AQP11: variants seen among roughly 807,000 people sequenced by gnomAD.
AQP11 encodes aquaporin-11.
AQP11 carries 20 observed loss-of-function variants against 21.1 expected under a neutral mutation model. The observed-to-expected ratio is 0.95, with a 90% CI of 0.67 to 1.38. The LOEUF is 1.38. Ranked by LOEUF, AQP11 falls within the 40% of genes most tolerant of loss-of-function variation. AQP11 has a pLI of 0.00. For missense variants in AQP11, 339 were observed against 340.4 expected (o/e 1.00, Z 0.03); for synonymous variants, 167 against 150.1 (o/e 1.11, Z -0.82).
At chr11:77,591,794 A>T (rs530302169) in intron 1 of AQP11, among the ~76,000 whole-genome samples, 22 of 152,284 alleles carry the variant, frequency 1.4e-4, no homozygotes, top group African/African-American at 5.3e-4. Flanking sequence ...GAATTGCTGG[A>T]ACCCGGGAGG....
intron 1 of AQP11, among the ~76,000 whole-genome samples, chr11:77,593,996 A>G (rs1322153578): frequency 1.3e-5 from 2 of 152,228 alleles, no homozygotes; most frequent in Non-Finnish European, 2.9e-5. Flanking sequence ...CATATACAAA[A>G]TATCTAGATT....
At position 77,590,131 on chromosome 11, in the gene AQP11, T is replaced by C. The variant is rs1958736228; in HGVS notation, c.139T>C (p.Phe47Leu). The change falls in exon 1 of 3, where the codon TTC becomes CTC. Residue 47 changes from phenylalanine (F) to leucine (L), a missense_variant. Physicochemically the swap from Phe to Leu is conservative, Grantham distance 22. Coordinates refer to ENST00000313578, the MANE Select transcript of AQP11 (RefSeq NM_173039.3). Reference sequence around the variant, plus strand: ...GCTGCACAGGCCGGTGGCCCACGCCTTCGTCCTGGAGTTTCTAGCCACCTT... The same window carrying C: ...GCTGCACAGGCCGGTGGCCCACGCCCTCGTCCTGGAGTTTCTAGCCACCTT... ...QQLHRPVAHA[F>L]VLEFLATFQL... The C allele has an allele frequency of 6.2e-7, 1 of 1,608,328 alleles. No individual in the cohort carries two copies. The highest frequency in any genetic ancestry group is 8.5e-7 in the Non-Finnish European group (1 of 1,179,832).
At chr11:77,602,676 C>A (rs953886608) in intron 1 of AQP11, among the ~76,000 whole-genome samples, 1 of 152,166 alleles carries the variant, frequency 6.6e-6, no homozygotes, top group Non-Finnish European at 1.5e-5. Flanking sequence ...GTAGTGAAAT[C>A]TTATGAAAGG....
chr11:77,591,717 A>G (rs924402046), intron 1 of AQP11, among the ~76,000 whole-genome samples: 1 of 152,058 alleles, frequency 6.6e-6, no homozygotes, highest in African/African-American at 2.4e-5. Context: ...TAAAAATACA[A>G]AAAAAATTTA....
rs144449509 is a variant in AQP11, at chr11:77,590,258, A to G, written c.266A>G (p.His89Arg). The G allele has an allele frequency of 6.2e-7, 1 of 1,601,894 alleles. No individual in the cohort carries two copies. Among genetic ancestry groups the G allele is most frequent in the African/African-American group, 1.3e-5 (1 of 74,822 alleles). The change falls in exon 1 of 3, where the codon CAT becomes CGT. Residue 89 changes from histidine to arginine, a missense_variant. Coordinates refer to ENST00000313578, the MANE Select transcript of AQP11 (RefSeq NM_173039.3). ...LTLVYFFSLV[H>R]GLTLVGTSSN... ...CTCGTCTACTTCTTCTCGCTTGTGC[A>G]TGGCCTGACTCTGGTGGGCACGTCC...
chr11:77,591,251 A>C (rs947190189), intron 1 of AQP11: 36 of 971,702 alleles, frequency 3.7e-5, no homozygotes, highest in Non-Finnish European at 3.7e-5. Context: ...ATGCTTTTTA[A>C]AATATAACTC....
intron 1 of AQP11, among the ~76,000 whole-genome samples, chr11:77,595,424 T>C (rs1261327679): frequency 2.0e-5 from 3 of 152,238 alleles, no homozygotes; most frequent in Non-Finnish European, 4.4e-5. Flanking sequence ...ATTTCTTTCA[T>C]AGAATTTTAA....
At chr11:77,600,868 C>T (rs1288653516) in intron 1 of AQP11, among the ~76,000 whole-genome samples, 5 of 152,020 alleles carry the variant, frequency 3.3e-5, no homozygotes, top group African/African-American at 4.8e-5. Flanking sequence ...AAAAATTAGC[C>T]GGGCGTGGTG....
chr11:77,593,621 A>G (rs1325646746), intron 1 of AQP11, among the ~76,000 whole-genome samples: 1 of 152,078 alleles, frequency 6.6e-6, no homozygotes, highest in East Asian at 1.9e-4. Flanking sequence ...TGGGAGACAG[A>G]GCGAGAGAGC....
intron 1 of AQP11, 173 bp downstream of exon 1, chr11:77,590,784 G>T: frequency 1.0e-6 from 1 of 985,438 alleles, no homozygotes; most frequent in Non-Finnish European, 1.2e-6. Flanking sequence ...CCGACACGTA[G>T]AGCCTTCATG....
intron 1 of AQP11, among the ~76,000 whole-genome samples, chr11:77,596,012 CA>C (rs1958776477): frequency 6.6e-6 from 1 of 151,840 alleles, no homozygotes; most frequent in Non-Finnish European, 1.5e-5. Flanking sequence ...TATCAATTTA[CA>C]AATGAAAAAC....
intron 1 of AQP11, among the ~76,000 whole-genome samples, chr11:77,594,277 A>G (rs1958766155): frequency 6.6e-6 from 1 of 152,242 alleles, no homozygotes; most frequent in Admixed American, 6.5e-5. Context: ...GTTGCCAAAT[A>G]AATTTGGCAG....
chr11:77,606,257 A>AT (rs1012744946), intron 2 of AQP11, among the ~76,000 whole-genome samples: 18 of 152,200 alleles, frequency 1.2e-4, no homozygotes, highest in African/African-American at 4.3e-4. Flanking sequence ...AAGGACCTTG[A>AT]TTTTTTCTTA....
At chr11:77,597,973 T>TCA (rs1958793490) in intron 1 of AQP11, among the ~76,000 whole-genome samples, 1 of 152,064 alleles carries the variant, frequency 6.6e-6, no homozygotes, top group Non-Finnish European at 1.5e-5. Context: ...ACTCCTGACC[T>TCA]TGTGATCCAC....
intron 2 of AQP11, among the ~76,000 whole-genome samples, chr11:77,608,193 C>T (rs1565120562): frequency 6.6e-6 from 1 of 152,224 alleles, no homozygotes; most frequent in Non-Finnish European, 1.5e-5. Context: ...TGCAGATTTA[C>T]TTTTCAGGAT....
Position 77,590,022 on chromosome 11 carries a change from G to A in AQP11, c.30G>A (p.Glu10=), listed in dbSNP as rs1958734810. Residue 10 remains glutamate (E), a synonymous_variant, in exon 1 of 3, where the codon GAG becomes GAA. Transcript: ENST00000313578. Reference sequence around the variant, plus strand: ...CGCCGCTGCTGGGGCTCCGGTCCGAGCTGCAGGACACCTGCACCTCGCTGG... The same window carrying A: ...CGCCGCTGCTGGGGCTCCGGTCCGAACTGCAGGACACCTGCACCTCGCTGG... MSPLLGLRS[E]LQDTCTSLGL... is the part of the protein sequence containing the mutation. 1 of 1,532,008 alleles carries A rather than the reference G, an allele frequency of 6.5e-7. No individual in the cohort carries two copies. The highest frequency in any genetic ancestry group is 1.4e-5 in the African/African-American group (1 of 71,996). The allele number at this position is 1,532,008 out of a possible 1,614,324, so 94.9% of individuals were successfully genotyped here. A position where few individuals can be genotyped will look rare whatever the true frequency, so the allele number is the denominator to read the frequency against.
At chr11:77,601,280 G>A (rs1317447450) in intron 1 of AQP11, among the ~76,000 whole-genome samples, 2 of 150,700 alleles carry the variant, frequency 1.3e-5, no homozygotes, top group Non-Finnish European at 2.9e-5. Context: ...TGTTAACACA[G>A]AACCCACACC....
At chr11:77,599,426 C>A (rs1958802434) in intron 1 of AQP11, among the ~76,000 whole-genome samples, 1 of 150,998 alleles carries the variant, frequency 6.6e-6, no homozygotes, top group South Asian at 2.1e-4. Flanking sequence ...CCCAGCCCCC[C>A]ACCCCATGAC....
chr11:77,605,535 T>C (rs1004486632), intron 2 of AQP11, among the ~76,000 whole-genome samples: 2 of 152,046 alleles, frequency 1.3e-5, no homozygotes, highest in African/African-American at 4.8e-5. Context: ...TAGATTCTCA[T>C]AGGAACGTGA....
Sources: gnomAD v4.1 joint callset for allele counts (sites outside exome capture counted in the v4.1 genomes callset) on GRCh38, gnomAD v4.1.1 for gene constraint, MANE v1.5 for transcripts, NCBI Gene and HGNC (gene_info 2026-07-23, HGNC 2026-07-21) for gene names.